The following GABRB1 variants were observed in gnomAD, a reference collection of about 807,000 sequenced individuals.
GABRB1 encodes gamma-aminobutyric acid receptor subunit beta-1.
In GABRB1, 17 loss-of-function variants were observed where a neutral mutation model predicts 51.6. That is an observed-to-expected ratio of 0.33 (90% CI 0.23 to 0.49). The LOEUF (loss-of-function observed/expected upper bound fraction) is 0.49, where lower values mean the gene tolerates loss of function less well. Among genes scored for constraint, GABRB1 ranks in the 20% least tolerant of loss-of-function variants. The pLI, the probability that GABRB1 is intolerant of heterozygous loss-of-function variation, is 0.99. For synonymous variants in GABRB1, 247 were observed against 218.9 expected (o/e 1.13, Z -1.14); for missense variants, 410 against 600.6 (o/e 0.68, Z 3.32).
chr4:47,333,906 C>T (rs1001929703), intron 5 of GABRB1, among the ~76,000 whole-genome samples: 9 of 152,176 alleles, frequency 5.9e-5, no homozygotes, highest in Non-Finnish European at 1.0e-4. Context: ...ACTCCTAGTA[C>T]GTTATTGCAT....
chr4:47,194,110 G>A (rs934482580), intron 4 of GABRB1, among the ~76,000 whole-genome samples: 2 of 152,022 alleles, frequency 1.3e-5, no homozygotes, highest in African/African-American at 2.4e-5. Context: ...CTCTCATCTC[G>A]AGTTCATTAA....
At chr4:47,254,201 T>C (rs1329354369) in intron 4 of GABRB1, among the ~76,000 whole-genome samples, 1 of 151,714 alleles carries the variant, frequency 6.6e-6, no homozygotes, top group Non-Finnish European at 1.5e-5. Context: ...TATCAGAAAA[T>C]CTCCCTAAAT....
At chr4:47,296,229 T>C (rs1451720409) in intron 4 of GABRB1, among the ~76,000 whole-genome samples, 2 of 152,150 alleles carry the variant, frequency 1.3e-5, no homozygotes, top group Admixed American at 1.3e-4. Flanking sequence ...GCTAACATCA[T>C]AATGACAGGA....
At chr4:47,343,764 AC>A (rs1397440810) in intron 5 of GABRB1, among the ~76,000 whole-genome samples, 2 of 152,226 alleles carry the variant, frequency 1.3e-5, no homozygotes, top group African/African-American at 4.8e-5. Flanking sequence ...AATTGTAGTT[AC>A]ATTTATACTT....
intron 4 of GABRB1, among the ~76,000 whole-genome samples, chr4:47,245,683 G>A (rs1394124293): frequency 6.6e-6 from 1 of 152,060 alleles, no homozygotes; most frequent in East Asian, 1.9e-4. Context: ...GTCTAAAATT[G>A]ATGATACATT....
intron 8 of GABRB1, among the ~76,000 whole-genome samples, chr4:47,420,943 AACACACACACACACACAC>A (rs71654875): frequency 7.1e-6 from 1 of 140,972 alleles, no homozygotes; most frequent in South Asian, 2.3e-4. Context: ...TACACACACA[AACACACACACACACACAC>A]ACACACACAC....
chr4:47,317,559 G>A (rs1724937818), intron 4 of GABRB1, among the ~76,000 whole-genome samples: 1 of 151,774 alleles, frequency 6.6e-6, no homozygotes, highest in African/African-American at 2.4e-5. Flanking sequence ...ATAGTGTTTT[G>A]TAAAACATTT....
In GABRB1 at chr4:47,320,763, C is replaced by CTTTTTTTTTTTTTTTTTTTT. The variant is rs1264288318; in HGVS notation, c.544+560_544+561insTTTTTTTTTTTTTTTTTTTT. Among the ~76,000 whole-genome samples the CTTTTTTTTTTTTTTTTTTTT allele has an allele frequency of 2.6e-5, 3 of 113,316 alleles. 1 individual carries two copies. The highest frequency in any genetic ancestry group is 5.4e-5 in the Non-Finnish European group (3 of 55,716). The allele number at this position is 113,316 out of a possible 152,430, so 74.3% of individuals were successfully genotyped here. A position where few individuals can be genotyped will look rare whatever the true frequency, so the allele number is the denominator to read the frequency against. ...GCTTTTTCACTGATTGTTTTCTTTT[C>CTTTTTTTTTTTTTTTTTTTT]TTTTTTCTTTTTTTTTTTTTTTTTG... On this transcript the variant is annotated intron_variant, in intron 5 of 8. Transcript: ENST00000295454.
intron 4 of GABRB1, among the ~76,000 whole-genome samples, chr4:47,200,730 C>T (rs926637105): frequency 1.6e-4 from 24 of 152,104 alleles, no homozygotes; most frequent in Admixed American, 6.6e-5. Context: ...TATGTGCTGC[C>T]TTAAAATAGC....
chr4:47,051,948 G>A (rs970809447), intron 3 of GABRB1, among the ~76,000 whole-genome samples: 3 of 152,062 alleles, frequency 2.0e-5, no homozygotes, highest in Non-Finnish European at 2.9e-5. Flanking sequence ...GACCAATATG[G>A]TGAGAGCCCG....
intron 3 of GABRB1, among the ~76,000 whole-genome samples, chr4:47,086,530 T>A (rs1384698266): frequency 1.3e-5 from 2 of 152,222 alleles, no homozygotes; most frequent in Non-Finnish European, 2.9e-5. Context: ...ATGGAAATTA[T>A]GAGTACTTCA....
chr4:47,045,163 G>A (rs1270564584), intron 3 of GABRB1, among the ~76,000 whole-genome samples: 1 of 151,958 alleles, frequency 6.6e-6, no homozygotes, highest in Non-Finnish European at 1.5e-5. Context: ...GCAAGTCCTT[G>A]ACAAAACATA....
In GABRB1 at chr4:47,046,514, A is replaced by G. The variant is rs144776943; in HGVS notation, c.240+14030A>G. Among the ~76,000 whole-genome samples the G allele has an allele frequency of 4.2e-3, 637 of 152,182 alleles. 3 individuals are homozygous for G. The highest frequency in any genetic ancestry group is 6.4e-3 in the Non-Finnish European group (437 of 67,992). On this transcript the variant is annotated intron_variant, in intron 3 of 8. Transcript: ENST00000295454. ...TGAGAAGGTAAGTTACAAAAAGATA[A>G]CTATCTACCTGAAGTCATAATTGAC...
At chr4:47,334,665 T>C (rs1725627308) in intron 5 of GABRB1, among the ~76,000 whole-genome samples, 1 of 152,158 alleles carries the variant, frequency 6.6e-6, no homozygotes, top group Admixed American at 6.5e-5. Flanking sequence ...AAACTAGAGA[T>C]TTTTTAGTAG....
At chr4:47,373,737 G>A (rs10022723) in intron 5 of GABRB1, among the ~76,000 whole-genome samples, 3,137 of 152,284 alleles carry the variant, frequency 0.021, 87 homozygotes, top group African/African-American at 0.072. Context: ...TGGCAACTAT[G>A]TGGGAAGGTA....
intron 3 of GABRB1, among the ~76,000 whole-genome samples, chr4:47,082,770 C>A (rs911082044): frequency 1.3e-5 from 2 of 152,030 alleles, no homozygotes; most frequent in African/African-American, 4.8e-5. Context: ...TTTATATATG[C>A]AGAATAGATG....
chr4:47,053,607 T>A (rs1179218775), intron 3 of GABRB1, among the ~76,000 whole-genome samples: 1 of 152,224 alleles, frequency 6.6e-6, no homozygotes, highest in Non-Finnish European at 1.5e-5. Flanking sequence ...AGTCTTTGTA[T>A]CCCAACTGGA....
chr4:47,410,244 T>A (rs559833022), intron 8 of GABRB1, among the ~76,000 whole-genome samples: 1 of 152,286 alleles, frequency 6.6e-6, no homozygotes, highest in East Asian at 1.9e-4. Flanking sequence ...TAGACATAAT[T>A]CTGACAAAAT....
intron 3 of GABRB1, among the ~76,000 whole-genome samples, chr4:47,069,691 T>A (rs1339773334): frequency 6.6e-6 from 1 of 152,200 alleles, no homozygotes; most frequent in East Asian, 1.9e-4. Context: ...TCCATCAAAA[T>A]CCTCTACATT....
Sources: allele counts gnomAD v4.1 joint callset (sites outside exome capture counted in the v4.1 genomes callset), GRCh38; gene constraint gnomAD v4.1.1; transcripts MANE v1.5; gene names NCBI Gene and HGNC (gene_info 2026-07-23, HGNC 2026-07-21).